Variants in PDE11A observed in about 807,000 individuals in gnomAD.
The protein encoded by PDE11A is dual 3',5'-cyclic-AMP and -GMP phosphodiesterase 11A.
Under a neutral mutation model 100.5 loss-of-function variants are expected in PDE11A, and 100 were observed. The observed-to-expected ratio is 1.00, with a 90% CI of 0.85 to 1.18. The LOEUF is 1.18. PDE11A is among the 50% of genes most tolerant of loss of function. The pLI is 0.00. For missense variants in PDE11A, 1,141 were observed against 1,152.6 expected (o/e 0.99, Z 0.15); for synonymous variants, 381 against 420.8 (o/e 0.91, Z 1.16).
intron 1 of PDE11A, among the ~76,000 whole-genome samples, chr2:178,056,300 G>C (rs2086898542): frequency 6.6e-6 from 1 of 152,120 alleles, no homozygotes. Context: ...TTCACCATCA[G>C]GAACTTTAGG....
At chr2:178,103,894 C>G (rs975174149) in intron 2 of PDE11A, among the ~76,000 whole-genome samples, 2 of 152,176 alleles carry the variant, frequency 1.3e-5, no homozygotes, top group African/African-American at 4.8e-5. Context: ...TCACTTTACC[C>G]TCTTCCCACA....
chr2:177,707,585 A>T (rs1444367808), intron 13 of PDE11A, among the ~76,000 whole-genome samples: 10 of 151,970 alleles, frequency 6.6e-5, no homozygotes, highest in African/African-American at 1.2e-4. Flanking sequence ...TGTTTTTTTC[A>T]TCCGCTTGGT....
intron 15 of PDE11A, among the ~76,000 whole-genome samples, chr2:177,692,584 T>G (rs887167425): frequency 2.0e-5 from 3 of 152,208 alleles, no homozygotes; most frequent in Non-Finnish European, 4.4e-5. Context: ...CCTTATTCAC[T>G]GCAGGGACTC....
chr2:177,660,940 C>T (rs1443706593), intron 19 of PDE11A, among the ~76,000 whole-genome samples: 2 of 152,206 alleles, frequency 1.3e-5, no homozygotes, highest in African/African-American at 4.8e-5. Flanking sequence ...CCCTGCCAAA[C>T]TCGCTGTTCT....
upstream of PDE11A, chr2:178,072,962 G>A: frequency 1.0e-6 from 1 of 985,372 alleles, no homozygotes; most frequent in Non-Finnish European, 1.2e-6. Flanking sequence ...CTGGGTACAG[G>A]ACTCCTGATT....
chr2:177,635,079 AC>A (rs1405969862), intron 19 of PDE11A, among the ~76,000 whole-genome samples: 1 of 151,840 alleles, frequency 6.6e-6, no homozygotes, highest in African/African-American at 2.4e-5. Context: ...TACCGTTGAA[AC>A]CCTTTCAGAG....
intron 5 of PDE11A, among the ~76,000 whole-genome samples, chr2:177,864,679 G>A (rs2083999284): frequency 6.6e-6 from 1 of 152,132 alleles, no homozygotes; most frequent in Non-Finnish European, 1.5e-5. Flanking sequence ...CATAAAGGGA[G>A]ATAATCAATT....
chr2:177,652,675 G>C (rs944536320), intron 19 of PDE11A, among the ~76,000 whole-genome samples: 8 of 152,242 alleles, frequency 5.3e-5, no homozygotes, highest in African/African-American at 1.9e-4. Context: ...GCAGTCAGGA[G>C]ACCCTACTAA....
At chr2:177,962,056 CAAAAAAAAAAA>C (rs34148492) in intron 2 of PDE11A, among the ~76,000 whole-genome samples, 2 of 66,348 alleles carry the variant, frequency 3.0e-5, no homozygotes, top group East Asian at 1.0e-3. Flanking sequence ...GACACTGTCT[CAAAAAAAAAAA>C]AAAAAAAAAA....
chr2:177,880,002 A>G (rs1017711121), intron 4 of PDE11A, among the ~76,000 whole-genome samples: 1 of 152,234 alleles, frequency 6.6e-6, no homozygotes, highest in African/African-American at 2.4e-5. Flanking sequence ...AGGACTATGT[A>G]TCATTCAACT....
chr2:177,936,273 G>T (rs2085271061), intron 2 of PDE11A, among the ~76,000 whole-genome samples: 1 of 152,056 alleles, frequency 6.6e-6, no homozygotes, highest in Non-Finnish European at 1.5e-5. Context: ...TCCATGTCTG[G>T]TCTATTTTGA....
chr2:177,876,401 A>C (rs2084242469), intron 4 of PDE11A, among the ~76,000 whole-genome samples: 1 of 148,060 alleles, frequency 6.8e-6, no homozygotes, highest in Non-Finnish European at 1.5e-5. Context: ...CACCACCTAA[A>C]GGGTAAAGAG....
chr2:178,091,184 C>A (rs763196887), intron 2 of PDE11A, among the ~76,000 whole-genome samples: 30 of 152,160 alleles, frequency 2.0e-4, no homozygotes, highest in Admixed American at 1.2e-3. Context: ...AATTCTCCTG[C>A]CACAGCCTCC....
intron 4 of PDE11A, among the ~76,000 whole-genome samples, chr2:177,883,182 T>A (rs1400061237): frequency 1.3e-5 from 2 of 151,342 alleles, no homozygotes; most frequent in African/African-American, 4.9e-5. Flanking sequence ...GGCAGGAGAA[T>A]CGTTTGAATC....
intron 10 of PDE11A, among the ~76,000 whole-genome samples, chr2:177,765,996 A>C (rs1453966198): frequency 6.6e-6 from 1 of 152,194 alleles, no homozygotes; most frequent in Non-Finnish European, 1.5e-5. Flanking sequence ...GTTTCTTCCC[A>C]AACTCTGGCT....
At chr2:177,704,471 T>TCAGGCCAAGGCCCATTAGGAATGC (rs1457982201) in intron 13 of PDE11A, among the ~76,000 whole-genome samples, 3 of 152,216 alleles carry the variant, frequency 2.0e-5, no homozygotes, top group Admixed American at 1.3e-4. Flanking sequence ...GCCTTTTGTC[T>TCAGGCCAAGGCCCATTAGGAATGC]CAGGCCAAGG....
At chr2:177,764,528 G>A (rs78645575) in intron 10 of PDE11A, among the ~76,000 whole-genome samples, 2,154 of 152,308 alleles carry the variant, frequency 0.014, 42 homozygotes, top group East Asian at 0.046. Flanking sequence ...AAAATTACAG[G>A]AGCATATAAT....
At chr2:177,973,280 G>A (rs12994303) in intron 2 of PDE11A, among the ~76,000 whole-genome samples, 26 of 126,026 alleles carry the variant, frequency 2.1e-4, no homozygotes, top group African/African-American at 6.5e-4. Context: ...CCTGGGAAGC[G>A]CAAGGGGTCA....
At position 178,072,308 on chromosome 2, in the gene PDE11A, G is replaced by A. The variant is rs1160911769; in HGVS notation, c.130C>T (p.Gln44Ter). Residue 44 changes from glutamine (Q) to a stop codon, truncating the protein, a stop_gained, in exon 1 of 20, where the codon CAG becomes TAG. Transcript: ENST00000286063. LOFTEE classifies it high-confidence loss of function. ...CTTGGACCTAAAGCCCCCTGACCCT[G>A]ACTGTGCCTCTGCAGCCACTTTTCA... ...MVEKWLQRHS[Q>*]GQGALGPRPS... is the part of the protein sequence containing the mutation. The A allele has an allele frequency of 4.3e-6, 7 of 1,614,084 alleles. No individual in the cohort carries two copies. The highest frequency in any genetic ancestry group is 5.9e-6 in the Non-Finnish European group (7 of 1,179,998).
Sources: allele counts gnomAD v4.1 joint callset (sites outside exome capture counted in the v4.1 genomes callset), GRCh38; gene constraint gnomAD v4.1.1; transcripts MANE v1.5; gene names NCBI Gene and HGNC (gene_info 2026-07-23, HGNC 2026-07-21).